Variants in PTPRD observed in about 807,000 individuals in gnomAD.
PTPRD encodes the protein receptor-type tyrosine-protein phosphatase delta.
In PTPRD, 34 loss-of-function variants were observed where a neutral mutation model predicts 214.5. The observed-to-expected ratio is 0.16, with a 90% confidence interval of 0.12 to 0.21. The LOEUF (loss-of-function observed/expected upper bound fraction) is 0.21, where lower values mean the gene tolerates loss of function less well. Among genes scored for constraint, PTPRD ranks in the 10% least tolerant of loss-of-function variants. The probability of loss-of-function intolerance (pLI) is 1.00; values close to 1 mark genes in which losing one functional copy is unlikely to be tolerated. For missense variants in PTPRD, 2,545 were observed against 2,398.7 expected, an observed-to-expected ratio of 1.06 and a Z score of -1.27; for synonymous variants, 1,128 against 845.7, an observed-to-expected ratio of 1.33 and a Z score of -5.79.
chr9:9,853,738 G>A (rs1225621023), intron 5 of PTPRD, among the ~76,000 whole-genome samples: 1 of 151,918 alleles, frequency 6.6e-6, no homozygotes, highest in Non-Finnish European at 1.5e-5. Context: ...TAGTAGAGAC[G>A]GGGTTTCACC....
intron 12 of PTPRD, among the ~76,000 whole-genome samples, chr9:8,715,132 G>GA (rs200940671): frequency 0.033 from 4,875 of 146,796 alleles, 124 homozygotes; most frequent in Middle Eastern, 0.067. Context: ...AAAGATCTAT[G>GA]AAAAAAAAAA....
chr9:9,177,626 G>C (rs1010463796), intron 10 of PTPRD, among the ~76,000 whole-genome samples: 1 of 151,922 alleles, frequency 6.6e-6, no homozygotes, highest in South Asian at 2.1e-4. Context: ...CCAAACTGAT[G>C]ATCTTTTAAA....
intron 10 of PTPRD, among the ~76,000 whole-genome samples, chr9:9,093,621 G>C (rs1209416841): frequency 2.0e-5 from 3 of 151,036 alleles, no homozygotes; most frequent in East Asian, 3.9e-4. Flanking sequence ...GAAATTATAA[G>C]CATTTTTAAT....
chr9:9,859,876 T>C (rs1311078962), intron 5 of PTPRD, among the ~76,000 whole-genome samples: 1 of 152,182 alleles, frequency 6.6e-6, no homozygotes, highest in Non-Finnish European at 1.5e-5. Flanking sequence ...CTTCAAACTT[T>C]CTACCAGTAT....
At chr9:9,071,238 G>T (rs540456513) in intron 10 of PTPRD, among the ~76,000 whole-genome samples, 35 of 152,194 alleles carry the variant, frequency 2.3e-4, no homozygotes, top group African/African-American at 8.4e-4. Context: ...TTCATTCCCT[G>T]TGTAATCAAT....
chr9:10,362,829 G>A (rs546515868), intron 2 of PTPRD, among the ~76,000 whole-genome samples: 75 of 152,218 alleles, frequency 4.9e-4, no homozygotes, highest in African/African-American at 1.8e-3. Context: ...GCAGTGAGCC[G>A]ACATCGTGCC....
chr9:9,454,378 G>C (rs114468002), intron 8 of PTPRD, among the ~76,000 whole-genome samples: 1,893 of 151,804 alleles, frequency 0.012, 31 homozygotes, highest in African/African-American at 0.043. Flanking sequence ...GTATGAGTTG[G>C]CTCTAGCATA....
intron 11 of PTPRD, among the ~76,000 whole-genome samples, chr9:8,804,291 A>G (rs529633771): frequency 1.3e-5 from 2 of 152,150 alleles, no homozygotes; most frequent in East Asian, 3.9e-4. Flanking sequence ...TAGGCACTTT[A>G]AAACAAACTA....
intron 27 of PTPRD, among the ~76,000 whole-genome samples, chr9:8,490,614 G>C (rs780288665): frequency 6.6e-6 from 1 of 152,068 alleles, no homozygotes; most frequent in African/African-American, 2.4e-5. Flanking sequence ...CAAGAACTCA[G>C]ACAGTAAACT....
At chr9:8,348,916 T>C (rs868836375) in intron 39 of PTPRD, among the ~76,000 whole-genome samples, 2 of 152,160 alleles carry the variant, frequency 1.3e-5, no homozygotes, top group South Asian at 4.1e-4. Context: ...TTTAGTTTTG[T>C]TTTCTGGTTA....
intron 2 of PTPRD, among the ~76,000 whole-genome samples, chr9:10,440,981 A>G (rs1168097950): frequency 6.6e-6 from 1 of 151,728 alleles, no homozygotes; most frequent in Non-Finnish European, 1.5e-5. Flanking sequence ...ATCATTTTTT[A>G]CTCTTACTTC....
chr9:9,212,854 T>TA (rs1168448575), intron 9 of PTPRD, among the ~76,000 whole-genome samples: 3 of 152,152 alleles, frequency 2.0e-5, no homozygotes, highest in Admixed American at 2.0e-4. Flanking sequence ...AACAAGGGAT[T>TA]AGGAGTTAGA....
intron 5 of PTPRD, among the ~76,000 whole-genome samples, chr9:9,785,481 T>C (rs2098915935): frequency 6.6e-6 from 1 of 152,050 alleles, no homozygotes; most frequent in Non-Finnish European, 1.5e-5. Flanking sequence ...ATGCCCAAAA[T>C]TCAGAACCTT....
intron 11 of PTPRD, among the ~76,000 whole-genome samples, chr9:8,850,227 C>T (rs1207439514): frequency 1.3e-5 from 2 of 152,032 alleles, no homozygotes; most frequent in Non-Finnish European, 2.9e-5. Flanking sequence ...TCTGGAACTC[C>T]AGAGACAAGC....
At chr9:9,122,670 C>G (rs2099818711) in intron 10 of PTPRD, among the ~76,000 whole-genome samples, 1 of 152,178 alleles carries the variant, frequency 6.6e-6, no homozygotes, top group Non-Finnish European at 1.5e-5. Context: ...GGTGATTTGG[C>G]TCAGAAGTCC....
At chr9:8,771,235 T>C (rs1440353292) in intron 11 of PTPRD, among the ~76,000 whole-genome samples, 1 of 152,130 alleles carries the variant, frequency 6.6e-6, no homozygotes, top group African/African-American at 2.4e-5. Flanking sequence ...AAATTCTTTC[T>C]ATTCTAACTG....
intron 4 of PTPRD, among the ~76,000 whole-genome samples, chr9:9,961,983 AG>A (rs2094396346): frequency 6.6e-6 from 1 of 152,012 alleles, no homozygotes; most frequent in Non-Finnish European, 1.5e-5. Flanking sequence ...TTTAAAAATA[AG>A]GAAAAAAAGA....
At chr9:9,072,499 A>G (rs1432620378) in intron 10 of PTPRD, among the ~76,000 whole-genome samples, 1 of 152,170 alleles carries the variant, frequency 6.6e-6, no homozygotes, top group Non-Finnish European at 1.5e-5. Flanking sequence ...CTATCTTTCA[A>G]GATTAAGATG....
intron 5 of PTPRD, among the ~76,000 whole-genome samples, chr9:9,877,021 T>C (rs956248720): frequency 3.3e-5 from 5 of 152,190 alleles, no homozygotes; most frequent in Non-Finnish European, 5.9e-5. Context: ...TTCAGTTACA[T>C]TGCTCAAGCC....
Sources: gnomAD v4.1 joint callset for allele counts (sites outside exome capture counted in the v4.1 genomes callset) on GRCh38, gnomAD v4.1.1 for gene constraint, MANE v1.5 for transcripts, NCBI Gene and HGNC (gene_info 2026-07-23, HGNC 2026-07-21) for gene names.